EYA4: variants seen among roughly 807,000 people sequenced by gnomAD.
The protein encoded by EYA4 is EYA transcriptional coactivator and phosphatase 4, also known as protein phosphatase EYA4.
A neutral mutation model predicts 87.9 loss-of-function variants in EYA4; 31 were observed. The ratio of observed to expected loss-of-function variants is 0.35; its 90% CI spans 0.27 to 0.48. The LOEUF is 0.48. EYA4 is among the 20% of genes least tolerant of loss of function. The pLI is 0.99. For missense variants in EYA4, 678 were observed against 761.4 expected, an observed-to-expected ratio of 0.89 and a Z score of 1.29; for synonymous variants, 263 against 270.6, an observed-to-expected ratio of 0.97 and a Z score of 0.28.
chr6:133,269,918 G>A (rs947603529), intron 1 of EYA4, among the ~76,000 whole-genome samples: 8 of 152,174 alleles, frequency 5.3e-5, no homozygotes, highest in Admixed American at 1.3e-4. Context: ...GAGCCAGTGC[G>A]AGTCCCAAAA....
At chr6:133,280,863 C>A (rs1342637855) in intron 2 of EYA4, among the ~76,000 whole-genome samples, 1 of 152,144 alleles carries the variant, frequency 6.6e-6, no homozygotes, top group Non-Finnish European at 1.5e-5. Context: ...TTAGCACACT[C>A]CCCATTCCCC....
intron 3 of EYA4, among the ~76,000 whole-genome samples, chr6:133,434,240 C>T (rs1424480946): frequency 6.6e-6 from 1 of 152,174 alleles, no homozygotes; most frequent in African/African-American, 2.4e-5. Context: ...TTAGACTTGA[C>T]CCATGACAAT....
chr6:133,393,701 G>C (rs1268935447), intron 3 of EYA4, among the ~76,000 whole-genome samples: 1 of 152,140 alleles, frequency 6.6e-6, no homozygotes. Flanking sequence ...ATATTTACTT[G>C]TAATTTCAAT....
intron 2 of EYA4, among the ~76,000 whole-genome samples, chr6:133,309,070 A>T (rs1780022132): frequency 6.6e-6 from 1 of 152,140 alleles, no homozygotes; most frequent in Non-Finnish European, 1.5e-5. Flanking sequence ...AAAACAAAAT[A>T]TAGCAAAAAA....
At chr6:133,260,856 A>G (rs1047405072) in intron 1 of EYA4, among the ~76,000 whole-genome samples, 1 of 152,150 alleles carries the variant, frequency 6.6e-6, no homozygotes, top group African/African-American at 2.4e-5. Context: ...AATAAATGTG[A>G]CAAACTTTTT....
chr6:133,281,622 T>A (rs1387379511), intron 2 of EYA4, among the ~76,000 whole-genome samples: 1 of 135,596 alleles, frequency 7.4e-6, no homozygotes. Context: ...TTTTTAAACT[T>A]CAACTTAGTT....
Position 133,528,719 on chromosome 6 carries a change from A to G in EYA4, c.1840-6A>G. On this transcript the variant is annotated splice_region_variant and splice_polypyrimidine_tract_variant and intron_variant, in intron 19 of 19. Transcript: ENST00000355286. Reference sequence around the variant, plus strand: ...TCTCCCATCCCTCCTTCTCCTAACCACACAGCACAACATGCCCTTCTGGAG... The same window carrying G: ...TCTCCCATCCCTCCTTCTCCTAACCGCACAGCACAACATGCCCTTCTGGAG... The G allele has an allele frequency of 6.2e-7, 1 of 1,607,024 alleles. No homozygotes were observed.
intron 14 of EYA4, 136 bp from the exon 15 acceptor site, chr6:133,512,585 G>C: frequency 4.0e-6 from 3 of 750,230 alleles, no homozygotes; most frequent in Non-Finnish European, 7.2e-6. Context: ...GAAAACAAGA[G>C]TGAGGCAATG....
chr6:133,382,451 A>G lies in EYA4; in HGVS notation c.83+10A>G. The G allele has an allele frequency of 6.3e-7, 1 of 1,596,638 alleles. No individual in the cohort carries two copies. Among genetic ancestry groups the G allele is most frequent in the Non-Finnish European group, 8.6e-7 (1 of 1,164,174 alleles). ...AATCTCAGAATTCCAGGTACAGTAA[A>G]ATAAAGACCAAGACTCCCCTAAGGA... On this transcript the variant is annotated intron_variant, in intron 3 of 19. Coordinates refer to ENST00000355286, the MANE Select transcript of EYA4 (RefSeq NM_004100.5).
chr6:133,469,114 G>A (rs1795109186), intron 11 of EYA4, among the ~76,000 whole-genome samples: 2 of 152,022 alleles, frequency 1.3e-5, no homozygotes, highest in African/African-American at 2.4e-5. Flanking sequence ...GCTCTAGCCC[G>A]TGAACATTTC....
chr6:133,242,973 A>G (rs1227820685), intron 1 of EYA4, among the ~76,000 whole-genome samples: 4 of 152,100 alleles, frequency 2.6e-5, no homozygotes, highest in Non-Finnish European at 5.9e-5. Context: ...TCATTCATGA[A>G]TCTTAACCTG....
At chr6:133,265,276 C>A (rs1045349686) in intron 1 of EYA4, among the ~76,000 whole-genome samples, 1 of 151,492 alleles carries the variant, frequency 6.6e-6, no homozygotes, top group Non-Finnish European at 1.5e-5. Flanking sequence ...AAAATAATTG[C>A]GGTTTTTGCT....
chr6:133,487,503 T>G (rs1796781788), intron 13 of EYA4, among the ~76,000 whole-genome samples: 1 of 151,474 alleles, frequency 6.6e-6, no homozygotes, highest in African/African-American at 2.4e-5. Flanking sequence ...GAGGAAAGAG[T>G]AAAGAGGAAT....
intron 19 of EYA4, among the ~76,000 whole-genome samples, chr6:133,527,145 G>A (rs1318075969): frequency 1.3e-5 from 2 of 152,188 alleles, no homozygotes; most frequent in Non-Finnish European, 2.9e-5. Context: ...TGATGGTGAA[G>A]GCTTATTATT....
intron 1 of EYA4, 115 bp from the exon 2 acceptor site, chr6:133,274,601 G>T: frequency 1.6e-6 from 1 of 613,008 alleles, no homozygotes; most frequent in South Asian, 2.1e-5. Context: ...TTCTTCTTGA[G>T]AGAATGCTCC....
At chr6:133,444,144 A>G (rs1267707577) in intron 3 of EYA4, among the ~76,000 whole-genome samples, 1 of 152,198 alleles carries the variant, frequency 6.6e-6, no homozygotes, top group Non-Finnish European at 1.5e-5. Context: ...TAAAAGCTCC[A>G]ACTATGATCA....
chr6:133,387,945 A>G (rs1786896168), intron 3 of EYA4, among the ~76,000 whole-genome samples: 1 of 152,076 alleles, frequency 6.6e-6, no homozygotes, highest in African/African-American at 2.4e-5. Context: ...ATGGATGCAG[A>G]TGGGGCTGTG....
At chr6:133,497,969 C>T (rs1797774877) in intron 13 of EYA4, among the ~76,000 whole-genome samples, 1 of 152,160 alleles carries the variant, frequency 6.6e-6, no homozygotes, top group African/African-American at 2.4e-5. Flanking sequence ...ATATTAACAG[C>T]AGTGCTGGCA....
chr6:133,280,520 C>T (rs972504738), intron 2 of EYA4, among the ~76,000 whole-genome samples: 3 of 152,104 alleles, frequency 2.0e-5, no homozygotes, highest in African/African-American at 4.8e-5. Context: ...CCTCAGCCTC[C>T]TGAGTAGCTG....
Sources: gnomAD v4.1 joint callset for allele counts (sites outside exome capture counted in the v4.1 genomes callset) on GRCh38, gnomAD v4.1.1 for gene constraint, MANE v1.5 for transcripts, NCBI Gene and HGNC (gene_info 2026-07-23, HGNC 2026-07-21) for gene names.